Variants in CLVS1 observed in about 807,000 individuals in gnomAD.
CLVS1 encodes the protein clavesin-1.
Under a neutral mutation model 33.1 loss-of-function variants are expected in CLVS1, and 10 were observed. The observed-to-expected ratio is 0.30, with a 90% CI of 0.19 to 0.51. CLVS1 has a LOEUF of 0.51. Ranked by LOEUF, CLVS1 falls within the 20% of genes least tolerant of loss-of-function variation. CLVS1 has a pLI of 0.97. For synonymous variants in CLVS1, 163 were observed against 166.1 expected (o/e 0.98, Z 0.14); for missense variants, 343 against 433.4 (o/e 0.79, Z 1.85).
At chr8:61,116,328 C>G (rs1286708448) in intron 1 of CLVS1, among the ~76,000 whole-genome samples, 1 of 152,124 alleles carries the variant, frequency 6.6e-6, no homozygotes, top group Non-Finnish European at 1.5e-5. Flanking sequence ...GTTGCCTGTT[C>G]ACTCTGATGG....
chr8:60,989,389 A>C, the CLVS1 span, among the ~76,000 whole-genome samples: 3 of 152,240 alleles, frequency 2.0e-5, no homozygotes, highest in African/African-American at 7.2e-5. Context: ...CATGTTAGTC[A>C]GGCTGGTCTT....
chr8:61,025,208 A>T, the CLVS1 span, among the ~76,000 whole-genome samples: 1 of 152,126 alleles, frequency 6.6e-6, no homozygotes, highest in African/African-American at 2.4e-5. Flanking sequence ...CTCTCTCTCT[A>T]CCTTATACCA....
chr8:61,305,630 T>C (rs953586821), intron 2 of CLVS1, among the ~76,000 whole-genome samples: 12 of 152,188 alleles, frequency 7.9e-5, no homozygotes, highest in African/African-American at 2.9e-4. Flanking sequence ...TCATGGGGTT[T>C]TTTTTGTACA....
chr8:61,242,742 G>C (rs1403930276), intron 2 of CLVS1, among the ~76,000 whole-genome samples: 1 of 151,904 alleles, frequency 6.6e-6, no homozygotes, highest in African/African-American at 2.4e-5. Context: ...GCAGTGAGCT[G>C]TGATTATGTC....
At chr8:61,458,567 C>A (rs772319156) in intron 5 of CLVS1, 25 bp downstream of exon 5, 3 of 1,472,430 alleles carry the variant, frequency 2.0e-6, no homozygotes, top group Admixed American at 2.2e-5. Flanking sequence ...ATCAGAGCCC[C>A]CCCCCCAGTC....
upstream of CLVS1, among the ~76,000 whole-genome samples, chr8:61,054,053 C>A (rs1170662469): frequency 1.3e-5 from 2 of 152,194 alleles, no homozygotes; most frequent in East Asian, 3.8e-4. Context: ...AATGTCCTAG[C>A]CAATTGAAGG....
At chr8:61,292,257 A>C (rs1340883915) in intron 1 of CLVS1, 17 of 442,036 alleles carry the variant, frequency 3.8e-5, no homozygotes, top group Non-Finnish European at 7.3e-5. Flanking sequence ...GAAAGTTATA[A>C]AAATAGCCTC....
chr8:60,996,887 G>A, the CLVS1 span, among the ~76,000 whole-genome samples: 1 of 152,072 alleles, frequency 6.6e-6, no homozygotes, highest in African/African-American at 2.4e-5. Flanking sequence ...CAATTATAAT[G>A]TTCAAGAGGC....
At chr8:61,496,214 G>C (rs1455312771) in intron 5 of CLVS1, among the ~76,000 whole-genome samples, 5 of 152,070 alleles carry the variant, frequency 3.3e-5, no homozygotes, top group Admixed American at 2.6e-4. Context: ...CTCATGCCAT[G>C]TTGTGAAATA....
intron 1 of CLVS1, among the ~76,000 whole-genome samples, chr8:61,127,674 G>A (rs1276867985): frequency 4.6e-5 from 7 of 152,168 alleles, no homozygotes; most frequent in African/African-American, 1.7e-4. Context: ...ATTTTGAGCT[G>A]AATTGATTAA....
At chr8:61,245,957 A>G (rs1808797873) in intron 2 of CLVS1, among the ~76,000 whole-genome samples, 1 of 151,522 alleles carries the variant, frequency 6.6e-6, no homozygotes, top group South Asian at 2.1e-4. Flanking sequence ...TTTTTTGGAG[A>G]GACTGAGTCT....
At chr8:61,346,259 T>C (rs895958430) in intron 2 of CLVS1, among the ~76,000 whole-genome samples, 1 of 152,094 alleles carries the variant, frequency 6.6e-6, no homozygotes, top group Non-Finnish European at 1.5e-5. Context: ...GCAAGGGCAT[T>C]AGTGTCTTAG....
chr8:61,453,012 C>T (rs1035829046), intron 3 of CLVS1, among the ~76,000 whole-genome samples: 1 of 152,028 alleles, frequency 6.6e-6, no homozygotes, highest in Non-Finnish European at 1.5e-5. Context: ...CTCATATACC[C>T]GCAGGGAGCA....
the CLVS1 span, among the ~76,000 whole-genome samples, chr8:60,980,271 C>G: frequency 6.6e-6 from 1 of 152,156 alleles, no homozygotes; most frequent in South Asian, 2.1e-4. Context: ...TACCTCAATC[C>G]TTAACTAATT....
At chr8:61,394,129 T>C (rs1215120630) in intron 3 of CLVS1, among the ~76,000 whole-genome samples, 1 of 152,212 alleles carries the variant, frequency 6.6e-6, no homozygotes, top group East Asian at 1.9e-4. Context: ...GGTGGATCAC[T>C]TGAGGGCAGG....
chr8:61,376,474 T>A, intron 2 of CLVS1, 131 bp from the exon 3 acceptor site: 2 of 742,772 alleles, frequency 2.7e-6, no homozygotes, highest in Non-Finnish European at 4.4e-6. Flanking sequence ...TCCCTTTGGG[T>A]ACAGGACGCC....
intron 3 of CLVS1, among the ~76,000 whole-genome samples, chr8:61,404,907 G>A (rs978595719): frequency 1.3e-5 from 2 of 152,136 alleles, no homozygotes; most frequent in African/African-American, 2.4e-5. Context: ...TGTCAAGCTC[G>A]ATCCCCAGAT....
At chr8:61,291,884 A>T (rs184670222) in intron 1 of CLVS1, 1 of 166,490 alleles carries the variant, frequency 6.0e-6, no homozygotes, top group East Asian at 1.6e-4. Context: ...CACAGACAGC[A>T]TGAGTTCTAG....
chr8:61,096,004 T>G (rs1341512097), intron 1 of CLVS1, among the ~76,000 whole-genome samples: 1 of 152,214 alleles, frequency 6.6e-6, no homozygotes, highest in Non-Finnish European at 1.5e-5. Context: ...AGAGTCAATG[T>G]CTGCAGGAGG....
Sources: allele counts gnomAD v4.1 joint callset (sites outside exome capture counted in the v4.1 genomes callset), GRCh38; gene constraint gnomAD v4.1.1; transcripts MANE v1.5; gene names NCBI Gene and HGNC (gene_info 2026-07-23, HGNC 2026-07-21).